The following RIMBP2 variants were observed in gnomAD, a reference collection of about 807,000 sequenced individuals.
RIMBP2 encodes the protein RIMS-binding protein 2.
Under a neutral mutation model 118.6 loss-of-function variants are expected in RIMBP2, and 48 were observed. The ratio of observed to expected loss-of-function variants is 0.40; its 90% confidence interval spans 0.32 to 0.51. RIMBP2 has a LOEUF of 0.51. RIMBP2 is among the 20% of genes least tolerant of loss of function. RIMBP2 has a pLI of 0.41. For synonymous variants in RIMBP2, 762 were observed against 742.9 expected, an observed-to-expected ratio of 1.03 and a Z score of -0.42; for missense variants, 1,551 against 1,768.3, an observed-to-expected ratio of 0.88 and a Z score of 2.20.
chr12:130,613,603 C>T (rs570905304), intron 2 of RIMBP2, among the ~76,000 whole-genome samples: 4 of 152,210 alleles, frequency 2.6e-5, no homozygotes, highest in South Asian at 2.1e-4. Context: ...ATTACATGGT[C>T]GGGAGATGAA....
rs1220759264 is a variant in RIMBP2 at position 130,447,839 on chromosome 12, C to A, written c.581+2361G>T. ...GACATGGACACAGAGGCAGCCCCTG[C>A]ATGGAGGGCGGGGAGAGGCCGCTCG... On this transcript the variant is annotated intron_variant, in intron 9 of 22. Transcript: ENST00000690449. The surrounding 1 kb of genome is among the most constrained non-coding windows in gnomAD (Gnocchi z 4.4). Among the ~76,000 whole-genome samples, 1 of 152,194 alleles carries A rather than the reference C, an allele frequency of 6.6e-6. No individual in the cohort carries two copies. Among genetic ancestry groups the A allele is most frequent in the Non-Finnish European group, 1.5e-5 (1 of 68,012 alleles).
At chr12:130,675,114 G>A (rs1252903515) in intron 1 of RIMBP2, among the ~76,000 whole-genome samples, 5 of 152,172 alleles carry the variant, frequency 3.3e-5, no homozygotes, top group Non-Finnish European at 5.9e-5. Context: ...GGGCACAGCC[G>A]GGACTAGGAC....
At chr12:130,676,813 G>A (rs1455835081) in intron 1 of RIMBP2, among the ~76,000 whole-genome samples, 2 of 152,186 alleles carry the variant, frequency 1.3e-5, no homozygotes, top group Non-Finnish European at 2.9e-5. Flanking sequence ...GGCCTGCAGG[G>A]AGAGGCAGAA....
At chr12:130,661,712 A>T (rs1193024798) in intron 1 of RIMBP2, among the ~76,000 whole-genome samples, 1 of 152,208 alleles carries the variant, frequency 6.6e-6, no homozygotes, top group African/African-American at 2.4e-5. Flanking sequence ...TCTCTGCTTA[A>T]GCACAGTTTG....
At chr12:130,440,626 GAA>G (rs767457494) in intron 11 of RIMBP2, among the ~76,000 whole-genome samples, 1 of 152,234 alleles carries the variant, frequency 6.6e-6, no homozygotes, top group Non-Finnish European at 1.5e-5. Flanking sequence ...GCACTCATCA[GAA>G]GGCATCGCGG....
Position 130,684,033 on chromosome 12 carries a change from T to A in RIMBP2, c.-352+32189A>T, listed in dbSNP as rs1159243472. 2.6e-5 allele frequency among the ~76,000 whole-genome samples: 4 copies of A among 152,246 alleles called. No homozygotes were observed. In the East Asian group the frequency reaches 5.8e-4, roughly 22 times the overall value. ...ATCAACTAAGAGTCTGGCACCTTTA[T>A]AAGTCTGATAAGAAACATTTACATC... On this transcript the variant is annotated intron_variant, in intron 1 of 22. Transcript: ENST00000690449.
intron 2 of RIMBP2, among the ~76,000 whole-genome samples, chr12:130,600,038 C>G (rs1031837507): frequency 1.3e-5 from 2 of 152,212 alleles, no homozygotes; most frequent in African/African-American, 4.8e-5. Flanking sequence ...GGAGCCCCCA[C>G]TCTGCCTCCA....
intron 17 of RIMBP2, among the ~76,000 whole-genome samples, chr12:130,417,091 G>A (rs930345779): frequency 7.2e-5 from 11 of 152,132 alleles, no homozygotes; most frequent in African/African-American, 1.7e-4. Context: ...AAAAATAGAC[G>A]TTGGGGTGAC....
intron 18 of RIMBP2, among the ~76,000 whole-genome samples, chr12:130,413,500 G>A (rs915169824): frequency 6.6e-6 from 1 of 151,952 alleles, no homozygotes; most frequent in African/African-American, 2.4e-5. Context: ...GGGTGTGATG[G>A]CGCGCATCTG....
intron 1 of RIMBP2, among the ~76,000 whole-genome samples, chr12:130,635,196 C>T (rs1245901607): frequency 1.3e-5 from 2 of 152,182 alleles, no homozygotes; most frequent in Non-Finnish European, 2.9e-5. Flanking sequence ...ACATCCACTG[C>T]ATGGGCTGCT....
intron 1 of RIMBP2, among the ~76,000 whole-genome samples, chr12:130,654,209 A>T (rs1021694757): frequency 6.6e-6 from 1 of 152,160 alleles, no homozygotes; most frequent in African/African-American, 2.4e-5. Flanking sequence ...ATAAGTTCCA[A>T]CTTTAAGTCA....
chr12:130,547,235 T>A (rs771821375), intron 2 of RIMBP2, among the ~76,000 whole-genome samples: 1 of 152,190 alleles, frequency 6.6e-6, no homozygotes, highest in African/African-American at 2.4e-5. Context: ...AAAAAATCTT[T>A]AAGTGTGCAT....
chr12:130,443,643 C>A (rs1047414410), intron 10 of RIMBP2, among the ~76,000 whole-genome samples: 1 of 152,204 alleles, frequency 6.6e-6, no homozygotes, highest in Non-Finnish European at 1.5e-5. Context: ...ATAAGAAGGA[C>A]TTGGATTCCG....
Position 130,420,107 on chromosome 12 carries a change from A to G in RIMBP2, c.3238+2346T>C, listed in dbSNP as rs1281242803. ...ATTTTCACAAGAAAAATAGAAGTAA[A>G]TGACAACTAGAGGAATATCCTGTCT... is the stretch of plus-strand genomic sequence containing the variant. On this transcript the variant is annotated intron_variant, in intron 17 of 22. Transcript: ENST00000690449. This position sits in a 1 kb window ranked among gnomAD's most constrained non-coding sequence, Gnocchi z 4.3. Among the ~76,000 whole-genome samples the G allele has an allele frequency of 1.3e-5, 2 of 152,232 alleles. No homozygotes were observed. Among genetic ancestry groups the G allele is most frequent in the Non-Finnish European group, 1.5e-5 (1 of 68,044 alleles).
Position 130,621,237 on chromosome 12 carries a change from T to C in RIMBP2, c.-217+7085A>G, listed in dbSNP as rs558163523. On this transcript the variant is annotated intron_variant, in intron 2 of 22. Coordinates refer to ENST00000690449, the MANE Select transcript of RIMBP2 (RefSeq NM_001393629.1). This position sits in a 1 kb window ranked among gnomAD's most constrained non-coding sequence, Gnocchi z 6.6. ...GTTAGGGTGATGGACTCCAGGTGGA[T>C]CCTCCCCATGAGAGAAAAGCAGGGG... Among the ~76,000 whole-genome samples the C allele has an allele frequency of 6.6e-6, 1 of 152,136 alleles. No individual in the cohort carries two copies. The highest frequency in any genetic ancestry group is 6.5e-5 in the Admixed American group (1 of 15,290).
intron 2 of RIMBP2, among the ~76,000 whole-genome samples, chr12:130,518,545 T>C (rs1255770262): frequency 1.3e-5 from 2 of 152,088 alleles, no homozygotes; most frequent in Admixed American, 6.5e-5. Flanking sequence ...AAGCTGAAAA[T>C]AATCCATCAC....
intron 5 of RIMBP2, among the ~76,000 whole-genome samples, chr12:130,471,237 A>C (rs1379225434): frequency 2.0e-5 from 3 of 152,216 alleles, no homozygotes; most frequent in Non-Finnish European, 4.4e-5. Flanking sequence ...CGGCAAAGCC[A>C]TCTGGGCCCC....
chr12:130,583,951 T>C (rs998952682), intron 2 of RIMBP2, among the ~76,000 whole-genome samples: 1 of 143,122 alleles, frequency 7.0e-6, no homozygotes, highest in African/African-American at 2.6e-5. Flanking sequence ...ACAACCATCA[T>C]CGCATCACCA....
chr12:130,627,773 C>T lies in RIMBP2; in HGVS notation c.-217+549G>A, dbSNP rs116095152. Among the ~76,000 whole-genome samples, 128 of 152,240 alleles carry T rather than the reference C, an allele frequency of 8.4e-4. 1 individual carries two copies. Among genetic ancestry groups the T allele is most frequent in the African/African-American group, 2.9e-3 (122 of 41,556 alleles). On this transcript the variant is annotated intron_variant, in intron 2 of 22. Coordinates refer to ENST00000690449, the MANE Select transcript of RIMBP2 (RefSeq NM_001393629.1). ...GCAGGTCCTGCTGCCCCAATATATCCGGGACCTCTCCAATGACCCTCACGT... is the reference window on the plus strand; with the variant it reads ...GCAGGTCCTGCTGCCCCAATATATCTGGGACCTCTCCAATGACCCTCACGT...
Sources: gnomAD v4.1 joint callset for allele counts (sites outside exome capture counted in the v4.1 genomes callset) on GRCh38, gnomAD v4.1.1 for gene constraint, Gnocchi (gnomAD v3.1) non-coding constraint, MANE v1.5 for transcripts, NCBI Gene and HGNC (gene_info 2026-07-23, HGNC 2026-07-21) for gene names.